SCHIP1: variants seen among roughly 807,000 people sequenced by gnomAD.
The protein encoded by SCHIP1 is schwannomin interacting protein 1, also known as schwannomin-interacting protein 1.
Under a neutral mutation model 29.7 loss-of-function variants are expected in SCHIP1, and 8 were observed. The ratio of observed to expected loss-of-function variants is 0.27; its 90% CI spans 0.16 to 0.49. The LOEUF is 0.49. Ranked by LOEUF, SCHIP1 falls within the 20% of genes least tolerant of loss-of-function variation. The probability of loss-of-function intolerance (pLI) is 0.99; values close to 1 mark genes in which losing one functional copy is unlikely to be tolerated. For missense variants in SCHIP1, 193 were observed against 294.6 expected (o/e 0.66, Z 2.52); for synonymous variants, 76 against 94.9 (o/e 0.80, Z 1.16).
At chr3:159,701,312 T>C in the SCHIP1 span, among the ~76,000 whole-genome samples, 1 of 152,190 alleles carries the variant, frequency 6.6e-6, no homozygotes. Context: ...TTTGTGTTCA[T>C]AGCAAAACTG....
chr3:159,841,151 A>T (rs897654942), intron 1 of SCHIP1, among the ~76,000 whole-genome samples: 19 of 152,196 alleles, frequency 1.2e-4, no homozygotes, highest in Non-Finnish European at 5.9e-5. Flanking sequence ...TGAGACAAGC[A>T]AGTGTTTCTC....
intron 1 of SCHIP1, among the ~76,000 whole-genome samples, chr3:159,850,261 T>A (rs4680527): frequency 0.75 from 114,019 of 152,074 alleles, 43,475 homozygotes; most frequent in East Asian, 0.99. Context: ...CACTGCTATA[T>A]AGAAATACCT....
the SCHIP1 span, among the ~76,000 whole-genome samples, chr3:159,735,982 G>GGTTATGCATGGTTATGCACTTATGCA: frequency 4.8e-3 from 735 of 152,162 alleles, 10 homozygotes; most frequent in Admixed American, 0.021. Context: ...ACTTATGCAC[G>GGTTATGCATGGTTATGCACTTATGCA]TGGTTCAGGG....
the SCHIP1 span, among the ~76,000 whole-genome samples, chr3:159,537,879 A>G: frequency 2.0e-5 from 3 of 152,212 alleles, no homozygotes; most frequent in East Asian, 5.8e-4. Flanking sequence ...AAAAAAATAT[A>G]CATAGTGTAT....
the SCHIP1 span, among the ~76,000 whole-genome samples, chr3:159,684,707 G>A: frequency 2.0e-5 from 3 of 151,874 alleles, no homozygotes; most frequent in Non-Finnish European, 4.4e-5. Flanking sequence ...AGGGGGCTGA[G>A]GCAGGAGAAT....
At chr3:159,888,576 C>A in intron 4 of SCHIP1, 1 of 392,272 alleles carries the variant, frequency 2.5e-6, no homozygotes, top group South Asian at 5.6e-5. Flanking sequence ...ACTCACAACC[C>A]ATATTAAAGA....
At chr3:159,487,677 A>C in the SCHIP1 span, among the ~76,000 whole-genome samples, 1 of 152,128 alleles carries the variant, frequency 6.6e-6, no homozygotes, top group African/African-American at 2.4e-5. Context: ...AATAAATGTT[A>C]ATGTCCATAG....
chr3:159,368,234 T>C, the SCHIP1 span, among the ~76,000 whole-genome samples: 1 of 152,206 alleles, frequency 6.6e-6, no homozygotes, highest in African/African-American at 2.4e-5. Flanking sequence ...CTGGCTTACC[T>C]GACAGCCCCT....
At chr3:159,865,242 C>A (rs1168304509) in intron 1 of SCHIP1, among the ~76,000 whole-genome samples, 1 of 152,166 alleles carries the variant, frequency 6.6e-6, no homozygotes, top group African/African-American at 2.4e-5. Context: ...ACTAAAATTT[C>A]ATCCTTAGCC....
chr3:159,515,285 T>C, the SCHIP1 span, among the ~76,000 whole-genome samples: 6 of 151,988 alleles, frequency 3.9e-5, no homozygotes. Flanking sequence ...CACAAACAGA[T>C]CTGGACCCTC....
At chr3:159,290,512 T>C in the SCHIP1 span, among the ~76,000 whole-genome samples, 4 of 152,046 alleles carry the variant, frequency 2.6e-5, 1 homozygote, top group Middle Eastern at 9.5e-3. Context: ...AATATATTCA[T>C]AGAAGAAAAC....
intron 1 of SCHIP1, among the ~76,000 whole-genome samples, chr3:159,854,627 G>A (rs907361527): frequency 6.6e-6 from 1 of 152,176 alleles, no homozygotes; most frequent in Non-Finnish European, 1.5e-5. Context: ...TGCCGGAAGC[G>A]ATGTGCAAAA....
At chr3:159,279,710 C>T in the SCHIP1 span, among the ~76,000 whole-genome samples, 1 of 151,872 alleles carries the variant, frequency 6.6e-6, no homozygotes, top group Non-Finnish European at 1.5e-5. Context: ...TAGAACTTGA[C>T]CCTAGGTAAT....
chr3:159,505,720 T>C, the SCHIP1 span, among the ~76,000 whole-genome samples: 3 of 150,762 alleles, frequency 2.0e-5, no homozygotes, highest in Non-Finnish European at 4.4e-5. Context: ...GAACATGAGG[T>C]GTTTGGTTTT....
At chr3:159,599,000 G>C in the SCHIP1 span, among the ~76,000 whole-genome samples, 1 of 152,036 alleles carries the variant, frequency 6.6e-6, no homozygotes, top group Admixed American at 6.6e-5. Context: ...TTGACTTAAA[G>C]TCTATTTTAT....
chr3:159,687,076 G>C, the SCHIP1 span, among the ~76,000 whole-genome samples: 3 of 152,042 alleles, frequency 2.0e-5, no homozygotes, highest in Non-Finnish European at 2.9e-5. Flanking sequence ...TCTAGTCCTT[G>C]CCTGTACTTC....
At chr3:159,535,210 T>G in the SCHIP1 span, among the ~76,000 whole-genome samples, 3 of 152,174 alleles carry the variant, frequency 2.0e-5, no homozygotes, top group African/African-American at 7.2e-5. Flanking sequence ...CCCATGACAG[T>G]GTTTAGCATA....
chr3:159,350,743 C>T, the SCHIP1 span, among the ~76,000 whole-genome samples: 92 of 152,184 alleles, frequency 6.0e-4, 2 homozygotes, highest in Admixed American at 3.1e-3. Context: ...CACATAGTTA[C>T]TCATTTTTTC....
the SCHIP1 span, among the ~76,000 whole-genome samples, chr3:159,359,728 G>A: frequency 6.6e-6 from 1 of 152,164 alleles, no homozygotes; most frequent in African/African-American, 2.4e-5. Context: ...ATAATGAAAG[G>A]ACTGAATGCC....
Sources: allele counts gnomAD v4.1 joint callset (sites outside exome capture counted in the v4.1 genomes callset), GRCh38; gene constraint gnomAD v4.1.1; transcripts MANE v1.5; gene names NCBI Gene and HGNC (gene_info 2026-07-23, HGNC 2026-07-21).